Variants in NR6A1 observed in about 807,000 individuals in gnomAD.
NR6A1 encodes retinoic acid receptor-related testis-associated receptor.
A neutral mutation model predicts 59.1 loss-of-function variants in NR6A1; 7 were observed. The observed-to-expected ratio is 0.12, with a 90% CI of 0.07 to 0.22. The LOEUF (loss-of-function observed/expected upper bound fraction) is 0.22, where lower values mean the gene tolerates loss of function less well. NR6A1 is among the 10% of genes least tolerant of loss of function. The pLI is 1.00. For missense variants in NR6A1, 468 were observed against 611.6 expected (o/e 0.77, Z 2.48); for synonymous variants, 243 against 236.1 (o/e 1.03, Z -0.27).
At position 124,718,985 on chromosome 9, in the gene NR6A1, AT is replaced by A. The variant is rs564517107; in HGVS notation, c.142+14322del. ...ATGCACCAGCACGCCTGGTTATCCA[AT>A]TTTTTTTACTATTATAAATGCTAAA... On this transcript the variant is annotated intron_variant, in intron 2 of 9. Transcript: ENST00000487099. Among the ~76,000 whole-genome samples, 6 of 151,510 alleles carry A rather than the reference AT, an allele frequency of 4.0e-5. No individual in the cohort carries two copies. The East Asian group carries it at 9.7e-4, about 24-fold the overall frequency.
intron 2 of NR6A1, among the ~76,000 whole-genome samples, chr9:124,704,750 TG>T (rs1046618444): frequency 1.3e-5 from 2 of 152,210 alleles, no homozygotes; most frequent in Admixed American, 6.5e-5. Flanking sequence ...TTTTTGTGTG[TG>T]GGGGGGAAGA....
intron 2 of NR6A1, among the ~76,000 whole-genome samples, chr9:124,694,230 T>C (rs751455140): frequency 6.6e-5 from 10 of 152,196 alleles, no homozygotes; most frequent in Non-Finnish European, 1.3e-4. Context: ...ATTTATTTTA[T>C]ATCCTTGAAG....
chr9:124,608,738 G>A (rs992531083), intron 2 of NR6A1, among the ~76,000 whole-genome samples: 9 of 152,154 alleles, frequency 5.9e-5, no homozygotes, highest in Non-Finnish European at 1.0e-4. Context: ...CACAACGGTT[G>A]AACTAACTGA....
At chr9:124,621,688 C>T (rs903065881) in intron 2 of NR6A1, among the ~76,000 whole-genome samples, 1 of 151,904 alleles carries the variant, frequency 6.6e-6, no homozygotes, top group Non-Finnish European at 1.5e-5. Context: ...GGAAATGCTT[C>T]TTACTAATAT....
chr9:124,599,581 GA>G, intron 2 of NR6A1: 1 of 1,124,762 alleles, frequency 8.9e-7, no homozygotes, highest in Middle Eastern at 3.9e-4. Context: ...CAGCCGCCAT[GA>G]GGGCGCGGCG....
chr9:124,765,778 T>C (rs1370392544), intron 1 of NR6A1, among the ~76,000 whole-genome samples: 1 of 152,054 alleles, frequency 6.6e-6, no homozygotes, highest in African/African-American at 2.4e-5. Context: ...TTGAGAAGCT[T>C]TTCTACAAAG....
chr9:124,607,853 T>C (rs2130835092), intron 2 of NR6A1, among the ~76,000 whole-genome samples: 1 of 152,280 alleles, frequency 6.6e-6, no homozygotes, highest in Non-Finnish European at 1.5e-5. Context: ...AAGACCAACC[T>C]GGGCAACATA....
intron 2 of NR6A1, among the ~76,000 whole-genome samples, chr9:124,668,300 A>G (rs1837689066): frequency 6.6e-6 from 1 of 151,666 alleles, no homozygotes; most frequent in African/African-American, 2.4e-5. Context: ...GAGGAGGAGG[A>G]AGAGAAGGGG....
At chr9:124,534,352 C>T (rs905861556) in intron 7 of NR6A1, among the ~76,000 whole-genome samples, 1 of 152,200 alleles carries the variant, frequency 6.6e-6, no homozygotes, top group African/African-American at 2.4e-5. Context: ...GGATTACAGG[C>T]ATGAGCCACG....
chr9:124,744,851 A>C (rs945425170), intron 1 of NR6A1, among the ~76,000 whole-genome samples: 1 of 152,232 alleles, frequency 6.6e-6, no homozygotes, highest in Non-Finnish European at 1.5e-5. Flanking sequence ...GTTTGATGGA[A>C]GAGAAGTAGC....
intron 2 of NR6A1, among the ~76,000 whole-genome samples, chr9:124,624,881 T>C (rs902932631): frequency 4.3e-4 from 65 of 151,630 alleles, no homozygotes; most frequent in African/African-American, 1.5e-3. Flanking sequence ...CTCTAATTAC[T>C]TTTTGACATT....
intron 2 of NR6A1, chr9:124,692,399 G>T (rs763630727): frequency 3.6e-5 from 18 of 504,136 alleles, no homozygotes; most frequent in Non-Finnish European, 7.5e-5. Context: ...ATCAGCGGTG[G>T]TCTCACTGCT....
chr9:124,527,776 G>C (rs1362265357), intron 7 of NR6A1, among the ~76,000 whole-genome samples: 2 of 152,168 alleles, frequency 1.3e-5, no homozygotes, highest in African/African-American at 4.8e-5. Context: ...GCTCTCTGAG[G>C]AAAGACCAAG....
intron 2 of NR6A1, among the ~76,000 whole-genome samples, chr9:124,647,358 T>C (rs1334915687): frequency 6.6e-6 from 1 of 152,172 alleles, no homozygotes; most frequent in Non-Finnish European, 1.5e-5. Context: ...GAGACTATTA[T>C]GAACAACTAA....
chr9:124,567,826 A>T (rs962843727), intron 2 of NR6A1, among the ~76,000 whole-genome samples: 22 of 144,654 alleles, frequency 1.5e-4, no homozygotes, highest in Non-Finnish European at 2.7e-4. Context: ...CTTTTTAAAA[A>T]TTTGCTTTTT....
At chr9:124,688,750 A>G (rs1838422946) in intron 2 of NR6A1, among the ~76,000 whole-genome samples, 1 of 152,312 alleles carries the variant, frequency 6.6e-6, no homozygotes, top group African/African-American at 2.4e-5. Context: ...TCACAGACAA[A>G]CCCACCAAGG....
intron 1 of NR6A1, among the ~76,000 whole-genome samples, chr9:124,757,643 GC>G (rs1175224507): frequency 6.6e-6 from 1 of 152,054 alleles, no homozygotes; most frequent in Non-Finnish European, 1.5e-5. Context: ...GGACCTAAGG[GC>G]CACAGGCAAT....
chr9:124,737,186 A>T (rs2131138299), intron 1 of NR6A1, among the ~76,000 whole-genome samples: 1 of 152,338 alleles, frequency 6.6e-6, no homozygotes, highest in African/African-American at 2.4e-5. Context: ...ACACTAAAAA[A>T]AATCCTCCAA....
intron 2 of NR6A1, among the ~76,000 whole-genome samples, chr9:124,703,010 T>TGCCTCA (rs1188452464): frequency 2.6e-5 from 4 of 151,364 alleles, no homozygotes; most frequent in African/African-American, 7.3e-5. Context: ...GCGATTCTCC[T>TGCCTCA]GCCTCAGCCT....
Sources: allele counts gnomAD v4.1 joint callset (sites outside exome capture counted in the v4.1 genomes callset), GRCh38; gene constraint gnomAD v4.1.1; transcripts MANE v1.5; gene names NCBI Gene and HGNC (gene_info 2026-07-23, HGNC 2026-07-21).